SOX6: variants seen among roughly 807,000 people sequenced by gnomAD.
The protein encoded by SOX6 is transcription factor SOX-6.
Under a neutral mutation model 97.8 loss-of-function variants are expected in SOX6, and 11 were observed. That is an observed-to-expected ratio of 0.11 (90% confidence interval 0.07 to 0.19). The LOEUF is 0.19. Ranked by LOEUF, SOX6 falls within the 10% of genes least tolerant of loss-of-function variation. The pLI is 1.00. For missense variants in SOX6, 810 were observed against 1,039.5 expected, an observed-to-expected ratio of 0.78 and a Z score of 3.04; for synonymous variants, 360 against 371.4, an observed-to-expected ratio of 0.97 and a Z score of 0.35.
chr11:16,583,141 A>G (rs1032871278), intron 4 of SOX6, among the ~76,000 whole-genome samples: 12 of 152,026 alleles, frequency 7.9e-5, no homozygotes, highest in African/African-American at 2.9e-4. Context: ...TATATAAAAT[A>G]AAGCTTTTGC....
intron 3 of SOX6, among the ~76,000 whole-genome samples, chr11:16,304,064 C>T (rs374755755): frequency 3.9e-5 from 6 of 151,944 alleles, no homozygotes; most frequent in South Asian, 4.1e-4. Context: ...TACAAGCACA[C>T]GCCACCATGC....
chr11:16,411,663 C>T (rs1051289342), intron 1 of SOX6, among the ~76,000 whole-genome samples: 4 of 152,072 alleles, frequency 2.6e-5, no homozygotes, highest in Non-Finnish European at 5.9e-5. Flanking sequence ...AAACAAAATG[C>T]AGACCTCCTA....
intron 3 of SOX6, among the ~76,000 whole-genome samples, chr11:16,242,121 C>A (rs962437626): frequency 6.6e-6 from 1 of 152,042 alleles, no homozygotes; most frequent in East Asian, 1.9e-4. Flanking sequence ...TGTACTACCA[C>A]ATTGAAATAT....
chr11:16,136,308 A>G (rs1034635620), intron 6 of SOX6, among the ~76,000 whole-genome samples: 1 of 137,468 alleles, frequency 7.3e-6, no homozygotes, highest in African/African-American at 2.7e-5. Context: ...GCAATATAGT[A>G]TTTTTGGATT....
upstream of SOX6, among the ~76,000 whole-genome samples, chr11:16,359,002 C>T (rs964219651): frequency 2.0e-5 from 3 of 152,064 alleles, no homozygotes; most frequent in African/African-American, 4.8e-5. Context: ...AAGACAGCAA[C>T]TTCCCATAGT....
chr11:16,392,925 T>C (rs1858229319), intron 1 of SOX6, among the ~76,000 whole-genome samples: 1 of 152,124 alleles, frequency 6.6e-6, no homozygotes, highest in South Asian at 2.1e-4. Context: ...CATCTTCTCA[T>C]AAACTTTAAT....
At chr11:16,424,939 C>A (rs1859095178) in intron 1 of SOX6, among the ~76,000 whole-genome samples, 1 of 151,822 alleles carries the variant, frequency 6.6e-6, no homozygotes, top group Non-Finnish European at 1.5e-5. Flanking sequence ...TCCCAGGAAA[C>A]AAAGTGGCTA....
chr11:16,538,028 A>G (rs1249155358), intron 4 of SOX6, among the ~76,000 whole-genome samples: 1 of 152,192 alleles, frequency 6.6e-6, no homozygotes, highest in Non-Finnish European at 1.5e-5. Flanking sequence ...TAATTTTCAG[A>G]TTCACCAAGG....
chr11:16,081,649 G>A (rs1848475038), intron 9 of SOX6, among the ~76,000 whole-genome samples: 1 of 152,058 alleles, frequency 6.6e-6, no homozygotes, highest in African/African-American at 2.4e-5. Flanking sequence ...GTGGGTCAGA[G>A]GTTCAAATCA....
At chr11:16,049,701 G>C (rs1847635101) in intron 11 of SOX6, 54 bp downstream of exon 11, 5 of 1,602,974 alleles carry the variant, frequency 3.1e-6, no homozygotes, top group Non-Finnish European at 4.3e-6. Context: ...AAACAGGTTT[G>C]CTTTCTTTTA....
rs181147495 is a variant in SOX6, at chr11:16,485,824, G to A, written n.610-9436C>T. The stretch of plus-strand genomic sequence containing the variant: ...CAGGAAGACCACTTGAGCACAGGAG[G>A]TTGGGGCTGCAGTGAATTATGATCA... On this transcript the variant is annotated intron_variant and non_coding_transcript_variant, in intron 4 of 5. Coordinates refer to the SOX6 transcript ENST00000524520. Among the ~76,000 whole-genome samples the A allele has an allele frequency of 8.2e-4, 123 of 149,148 alleles. 1 individual carries two copies. The East Asian group carries it at 0.022, about 27-fold the overall frequency.
At chr11:16,453,809 T>C (rs1418107616) in intron 1 of SOX6, among the ~76,000 whole-genome samples, 1 of 152,118 alleles carries the variant, frequency 6.6e-6, no homozygotes, top group East Asian at 1.9e-4. Context: ...TCTTCAGGTG[T>C]TTCCAAATGA....
rs149072961 is a variant in SOX6, at chr11:16,098,528, G to A, written c.899-840C>T. ...TCTGTGACCTAAGAACACAGGCTGTGTGCAGTAACCTGAAGAACCAAAACA... is the reference window on the plus strand; with the variant it reads ...TCTGTGACCTAAGAACACAGGCTGTATGCAGTAACCTGAAGAACCAAAACA... On this transcript the variant is annotated intron_variant, in intron 7 of 15. Transcript: ENST00000683767. Among the ~76,000 whole-genome samples, 206 of 151,910 alleles carry A rather than the reference G, an allele frequency of 1.4e-3. 1 individual carries two copies. Among genetic ancestry groups the A allele is most frequent in the African/African-American group, 4.9e-3 (202 of 41,512 alleles).
At chr11:15,997,084 A>C (rs1407165364) in intron 13 of SOX6, among the ~76,000 whole-genome samples, 1 of 152,160 alleles carries the variant, frequency 6.6e-6, no homozygotes, top group Non-Finnish European at 1.5e-5. Flanking sequence ...ACAAAGATAA[A>C]AAGGGAATAT....
intron 3 of SOX6, among the ~76,000 whole-genome samples, chr11:16,614,367 G>A (rs1848443062): frequency 6.6e-6 from 1 of 152,174 alleles, no homozygotes; most frequent in African/African-American, 2.4e-5. Context: ...GGAGGTCTCC[G>A]AGACGAGAAT....
rs538805366 is a variant in SOX6, at chr11:16,308,159, C to T, written c.445+10287G>A. Among the ~76,000 whole-genome samples, 914 of 152,240 alleles carry T rather than the reference C, an allele frequency of 6.0e-3. 5 individuals are homozygous for T. Among genetic ancestry groups the T allele is most frequent in the Middle Eastern group, 0.037 (11 of 294 alleles). On this transcript the variant is annotated intron_variant, in intron 3 of 15. Coordinates refer to ENST00000683767, the MANE Select transcript of SOX6 (RefSeq NM_001367873.1). ...ATCAAAATTGGATAGAAGCTTTTATCTCTATCTTTGTAAAAATTCTAACAT... is the reference window on the plus strand; with the variant it reads ...ATCAAAATTGGATAGAAGCTTTTATTTCTATCTTTGTAAAAATTCTAACAT...
In SOX6 at chr11:16,219,784, C is replaced by T. The variant is rs566498768; in HGVS notation, c.535+14798G>A. On this transcript the variant is annotated intron_variant, in intron 4 of 15. Coordinates refer to ENST00000683767, the MANE Select transcript of SOX6 (RefSeq NM_001367873.1). ...TAGTACTATGGGCCAGTTCCTAATGCGACATAGCTATCCCTTGAGACTTTG... is the reference window on the plus strand; with the variant it reads ...TAGTACTATGGGCCAGTTCCTAATGTGACATAGCTATCCCTTGAGACTTTG... Among the ~76,000 whole-genome samples the T allele has an allele frequency of 1.1e-4, 16 of 151,998 alleles. 1 individual carries two copies. Among genetic ancestry groups the T allele is most frequent in the Non-Finnish European group, 1.8e-4 (12 of 67,920 alleles).
At chr11:16,305,496 T>G (rs1855401434) in intron 3 of SOX6, among the ~76,000 whole-genome samples, 1 of 152,186 alleles carries the variant, frequency 6.6e-6, no homozygotes, top group Admixed American at 6.5e-5. Context: ...AAATACAGTG[T>G]GGCAGTTTCT....
rs532450032 is a variant in SOX6 at position 16,413,910 on chromosome 11, C to T, written c.-5+62405G>A. ...GTTGAGTATGCTCACCCAATTCTTT[C>T]CTGAAAGGAGGGTTTTATATGAGGG... On this transcript the variant is annotated intron_variant, in intron 1 of 15. Coordinates refer to the SOX6 transcript ENST00000396356. Among the ~76,000 whole-genome samples the T allele has an allele frequency of 2.0e-5, 3 of 152,086 alleles. No individual in the cohort carries two copies. The East Asian group carries it at 5.8e-4, about 29-fold the overall frequency.
Sources: allele counts gnomAD v4.1 joint callset (sites outside exome capture counted in the v4.1 genomes callset), GRCh38; gene constraint gnomAD v4.1.1; transcripts MANE v1.5; gene names NCBI Gene and HGNC (gene_info 2026-07-23, HGNC 2026-07-21).